Variants in SPPL3 observed in about 807,000 individuals in gnomAD.
SPPL3 encodes signal peptide peptidase-like 3.
In SPPL3, 5 loss-of-function variants were observed where a neutral mutation model predicts 42.4. The ratio of observed to expected loss-of-function variants is 0.12; its 90% CI spans 0.06 to 0.25. SPPL3 has a LOEUF of 0.25. Among genes scored for constraint, SPPL3 ranks in the 10% least tolerant of loss-of-function variants. The probability of loss-of-function intolerance (pLI) is 1.00; values close to 1 mark genes in which losing one functional copy is unlikely to be tolerated. For synonymous variants in SPPL3, 195 were observed against 181.8 expected (o/e 1.07, Z -0.58); for missense variants, 235 against 489.0 (o/e 0.48, Z 4.90).
At chr12:120,826,330 A>G (rs1871232388) in intron 1 of SPPL3, among the ~76,000 whole-genome samples, 1 of 151,804 alleles carries the variant, frequency 6.6e-6, no homozygotes, top group South Asian at 2.1e-4. Context: ...GGCAAGAGTC[A>G]AAATTTCCAT....
At chr12:120,859,450 G>T (rs1419066442) in intron 1 of SPPL3, among the ~76,000 whole-genome samples, 6 of 152,138 alleles carry the variant, frequency 3.9e-5, no homozygotes, top group Non-Finnish European at 8.8e-5. Context: ...AGCAATAACT[G>T]AAGTTAAGAA....
chr12:120,825,544 C>A (rs1871209179), intron 1 of SPPL3, among the ~76,000 whole-genome samples: 1 of 152,178 alleles, frequency 6.6e-6, no homozygotes, highest in South Asian at 2.1e-4. Context: ...GGAATATCAA[C>A]AGGAGCAAAT....
intron 1 of SPPL3, among the ~76,000 whole-genome samples, chr12:120,887,129 T>C (rs1202287954): frequency 6.6e-6 from 1 of 152,068 alleles, no homozygotes; most frequent in African/African-American, 2.4e-5. Context: ...TTTGTATTTT[T>C]AGTAGAGATG....
At chr12:120,824,055 A>G (rs520405) in intron 1 of SPPL3, among the ~76,000 whole-genome samples, 36,999 of 151,810 alleles carry the variant, frequency 0.24, 5,600 homozygotes, top group Non-Finnish European at 0.35. Context: ...TATTTTTAGT[A>G]GAGATGGGGT....
In SPPL3 at chr12:120,764,692, C is replaced by CCATCT; in HGVS notation, c.*302_*306dup. ...TTTCAGTTTTTAAACAGTCAAATCT[C>CCATCT]CATCTCCCCCAGAAGGTAACAGTCT... On this transcript the variant is annotated 3_prime_UTR_variant, in exon 11 of 11. Coordinates refer to ENST00000353487, the MANE Select transcript of SPPL3 (RefSeq NM_139015.5). 2.5e-6 allele frequency: 1 copy of CCATCT among 398,918 alleles called. No homozygotes were observed. The highest frequency in any genetic ancestry group is 4.4e-6 in the Non-Finnish European group (1 of 226,572). 24.7% of individuals were successfully genotyped at this position (398,918 alleles called of 1,614,324 possible).
chr12:120,816,780 T>TG (rs1431581271), intron 1 of SPPL3, among the ~76,000 whole-genome samples: 2 of 152,218 alleles, frequency 1.3e-5, no homozygotes, highest in Non-Finnish European at 2.9e-5. Context: ...AAGAGCCAGA[T>TG]GCACTTCTGA....
At chr12:120,802,953 T>C (rs532137786) in intron 2 of SPPL3, among the ~76,000 whole-genome samples, 7 of 152,314 alleles carry the variant, frequency 4.6e-5, no homozygotes, top group East Asian at 1.9e-4. Context: ...CCAACTTATA[T>C]TGAAGGTACT....
At chr12:120,872,987 G>A (rs1339350625) in intron 1 of SPPL3, among the ~76,000 whole-genome samples, 1 of 152,110 alleles carries the variant, frequency 6.6e-6, no homozygotes, top group East Asian at 1.9e-4. Context: ...AAGTGAAAAA[G>A]ACCCATATCC....
intron 1 of SPPL3, among the ~76,000 whole-genome samples, chr12:120,877,448 G>GT (rs1167623657): frequency 1.3e-5 from 2 of 152,150 alleles, no homozygotes; most frequent in Non-Finnish European, 2.9e-5. Flanking sequence ...ATGAAAATCT[G>GT]TAACAAAATG....
At chr12:120,891,333 C>G (rs1224565569) in intron 1 of SPPL3, among the ~76,000 whole-genome samples, 1 of 152,080 alleles carries the variant, frequency 6.6e-6, no homozygotes, top group Non-Finnish European at 1.5e-5. Context: ...TATGCCTATT[C>G]CAGATGACGG....
intron 1 of SPPL3, among the ~76,000 whole-genome samples, chr12:120,846,971 T>C (rs1872061267): frequency 1.3e-5 from 2 of 152,184 alleles, no homozygotes; most frequent in South Asian, 2.1e-4. Flanking sequence ...TGTGCAGTAA[T>C]TAAGTAGTAT....
At chr12:120,811,201 G>A (rs671815) in intron 1 of SPPL3, 17,624 of 192,306 alleles carry the variant, frequency 0.092, 1,895 homozygotes, top group African/African-American at 0.29. Flanking sequence ...ATATCTACCA[G>A]ATCTGTGCCA....
intron 1 of SPPL3, among the ~76,000 whole-genome samples, chr12:120,858,371 G>A (rs1306301487): frequency 1.3e-5 from 2 of 151,746 alleles, no homozygotes; most frequent in South Asian, 2.1e-4. Flanking sequence ...GAGGCAGGAC[G>A]CTTGAACCCG....
intron 10 of SPPL3, among the ~76,000 whole-genome samples, chr12:120,765,349 G>A (rs1209474332): frequency 2.0e-5 from 3 of 151,500 alleles, no homozygotes; most frequent in South Asian, 2.1e-4. Context: ...GTGCAGTGGC[G>A]AGATCTCAGC....
At chr12:120,779,317 A>G (rs1335262576) in intron 6 of SPPL3, among the ~76,000 whole-genome samples, 1 of 152,198 alleles carries the variant, frequency 6.6e-6, no homozygotes, top group Non-Finnish European at 1.5e-5. Flanking sequence ...CCAGAGCTGC[A>G]GGGAAACACT....
chr12:120,896,636 G>A (rs554708924), intron 1 of SPPL3, among the ~76,000 whole-genome samples: 33 of 152,144 alleles, frequency 2.2e-4, no homozygotes, highest in African/African-American at 5.1e-4. Context: ...CAAATTAGCC[G>A]GGCATGGTGG....
At chr12:120,892,646 T>C (rs566517108) in intron 1 of SPPL3, among the ~76,000 whole-genome samples, 2 of 152,250 alleles carry the variant, frequency 1.3e-5, no homozygotes, top group South Asian at 2.1e-4. Flanking sequence ...AGATTTTATA[T>C]TCCAACAATA....
intron 2 of SPPL3, among the ~76,000 whole-genome samples, chr12:120,803,476 A>G (rs895697580): frequency 1.3e-5 from 2 of 152,198 alleles, no homozygotes; most frequent in Non-Finnish European, 2.9e-5. Context: ...GGAGGAGAAA[A>G]GCAAATTGGA....
intron 2 of SPPL3, among the ~76,000 whole-genome samples, chr12:120,806,321 G>A (rs571163878): frequency 3.0e-4 from 45 of 151,304 alleles, no homozygotes; most frequent in Admixed American, 1.8e-3. Context: ...ACCTTAGCTC[G>A]CGAGTCGCTG....
Sources: allele counts gnomAD v4.1 joint callset (sites outside exome capture counted in the v4.1 genomes callset), GRCh38; gene constraint gnomAD v4.1.1; transcripts MANE v1.5; gene names NCBI Gene and HGNC (gene_info 2026-07-23, HGNC 2026-07-21).